The following TMX3 variants were observed in gnomAD, a reference collection of about 807,000 sequenced individuals.
The protein encoded by TMX3 is protein disulfide-isomerase TMX3.
In TMX3, 40 loss-of-function variants were observed where a neutral mutation model predicts 64.4. That is an observed-to-expected ratio of 0.62 (90% CI 0.48 to 0.81). The LOEUF is 0.81. TMX3 is among the 30% of genes least tolerant of loss of function. TMX3 has a pLI of 0.00. For missense variants in TMX3, 497 were observed against 534.5 expected (o/e 0.93, Z 0.69); for synonymous variants, 189 against 175.7 (o/e 1.08, Z -0.60).
At chr18:68,710,444 AT>A (rs1213397376) in intron 3 of TMX3, among the ~76,000 whole-genome samples, 1 of 152,232 alleles carries the variant, frequency 6.6e-6, no homozygotes, top group African/African-American at 2.4e-5. Context: ...AATGTTCTAT[AT>A]GAAACGTTTT....
In TMX3 at chr18:68,710,060, G is replaced by A. The variant is rs768990723; in HGVS notation, c.226C>T (p.Pro76Ser). 6.3e-7 allele frequency: 1 copy of A among 1,598,524 alleles called. No homozygotes were observed. Among genetic ancestry groups the A allele is most frequent in the Admixed American group, 1.7e-5 (1 of 57,398 alleles). ...GCATCCATCTTTCCAACCTTAACTG[G>A]AGAACCAATGCTTTTCATCTCAAGA... ...VGLEMKSIGSPVKVGKMDATS... is the reference protein window; with the variant it reads ...VGLEMKSIGSSVKVGKMDATS... Residue 76 changes from proline to serine, a missense_variant, in exon 4 of 16, where the codon CCA (proline) becomes TCA (serine). Pro to Ser is a moderately conservative substitution (Grantham distance 74). Coordinates refer to ENST00000299608, the MANE Select transcript of TMX3 (RefSeq NM_019022.5).
At chr18:68,677,215 TCA>T in intron 15 of TMX3, 22 bp from the exon 16 acceptor site, 1 of 1,601,336 alleles carries the variant, frequency 6.2e-7, no homozygotes. Flanking sequence ...GAATTAAAAC[TCA>T]GTTCCCTTCA....
In TMX3 at chr18:68,681,007, T is replaced by C. The variant is rs1354727343; in HGVS notation, c.1009A>G (p.Asn337Asp). The C allele has an allele frequency of 6.3e-7, 1 of 1,596,760 alleles. No individual in the cohort carries two copies. The highest frequency in any genetic ancestry group is 8.5e-7 in the Non-Finnish European group (1 of 1,172,916). Residue 337 changes from asparagine to aspartate, a missense_variant, in exon 14 of 16, where the codon AAT (asparagine) becomes GAT (aspartate). Around this residue, in one of 3 missense-constraint regions of TMX3, gnomAD observed 43 missense variants for 75.3 expected, o/e 0.57. Transcript: ENST00000299608. ...KNVEDMVQFI[N>D]NILDGTVEAQ... ...TCTACTGTGCCATCCAAAATGTTAT[T>C]AATAAACTGGACCATGTCTTCAACA...
At chr18:68,700,953 T>C (rs542898062) in intron 5 of TMX3, 12 of 985,060 alleles carry the variant, frequency 1.2e-5, no homozygotes. Context: ...AAAACAGCTC[T>C]TCTAGAAACG....
chr18:68,700,869 GCAAAA>G (rs1157093899), intron 5 of TMX3: 2 of 978,482 alleles, frequency 2.0e-6, no homozygotes, highest in Admixed American at 6.3e-5. Context: ...TTTAGAAGAG[GCAAAA>G]CAAATGTTAA....
chr18:68,697,093 C>A, intron 8 of TMX3, 133 bp downstream of exon 8: 1 of 551,428 alleles, frequency 1.8e-6, no homozygotes, highest in Non-Finnish European at 3.2e-6. Flanking sequence ...TTTTTCCAAA[C>A]ATATCACAGT....
intron 13 of TMX3, 47 bp downstream of exon 13, chr18:68,682,878 T>G: frequency 6.5e-7 from 1 of 1,547,774 alleles, no homozygotes; most frequent in Non-Finnish European, 8.8e-7. Context: ...GAAACAAATT[T>G]AAAAATTAAT....
chr18:68,687,841 T>C, intron 9 of TMX3, 76 bp from the exon 10 acceptor site: 4 of 1,146,048 alleles, frequency 3.5e-6, no homozygotes, highest in Non-Finnish European at 5.0e-6. Flanking sequence ...AATCTGATAA[T>C]AGGTATAAAA....
chr18:68,710,654 A>C (rs896900099), intron 3 of TMX3, among the ~76,000 whole-genome samples: 1 of 152,196 alleles, frequency 6.6e-6, no homozygotes, highest in African/African-American at 2.4e-5. Context: ...GATTAAACTG[A>C]AGTCAGTCTT....
intron 4 of TMX3, among the ~76,000 whole-genome samples, chr18:68,705,656 A>G (rs985926017): frequency 6.6e-6 from 1 of 152,218 alleles, no homozygotes; most frequent in African/African-American, 2.4e-5. Context: ...AATGAGAAAT[A>G]TTTTAGCACT....
intron 12 of TMX3, 94 bp from the exon 13 acceptor site, chr18:68,683,075 A>G: frequency 4.1e-6 from 5 of 1,208,870 alleles, no homozygotes; most frequent in Non-Finnish European, 4.8e-6. Flanking sequence ...AAAGTAAATA[A>G]AACAATGAAG....
chr18:68,712,216 C>T (rs755566548), intron 2 of TMX3, among the ~76,000 whole-genome samples: 19 of 152,190 alleles, frequency 1.2e-4, no homozygotes, highest in Non-Finnish European at 2.2e-4. Context: ...GACATGTCAG[C>T]TGCAATCAGG....
intron 15 of TMX3, 33 bp from the exon 16 acceptor site, chr18:68,677,226 C>A: frequency 6.3e-7 from 1 of 1,594,340 alleles, no homozygotes; most frequent in South Asian, 1.1e-5. Context: ...CAGTTCCCTT[C>A]ACATGTAATT....
rs1912744447 is a variant in TMX3 at position 68,674,152 on chromosome 18, T to C, written c.*2781A>G. On this transcript the variant is annotated 3_prime_UTR_variant, in exon 16 of 16. Transcript: ENST00000299608. ...TAGACCCTTCCTTCAATCCCCCAGA[T>C]ACTTGGCATTTAAATGTTATTTCTA... The C allele has an allele frequency of 6.6e-6, 1 of 152,168 alleles. No individual in the cohort carries two copies. The highest frequency in any genetic ancestry group is 2.4e-5 in the African/African-American group (1 of 41,448). The allele number at this position is 152,168 out of a possible 1,614,324, so 9.4% of individuals were successfully genotyped here. A position where few individuals can be genotyped will look rare whatever the true frequency, so the allele number is the denominator to read the frequency against.
At chr18:68,686,732 C>G in intron 10 of TMX3, 2 of 984,594 alleles carry the variant, frequency 2.0e-6, no homozygotes, top group Non-Finnish European at 2.4e-6. Context: ...GAAAGTAAAA[C>G]CACAGTCTTT....
At position 68,687,800 on chromosome 18, in the gene TMX3, T is replaced by A. The variant is rs554182741; in HGVS notation, c.638-35A>T. ...AAGACAAAGTTGACAAATTACAGTATAAATATGAATTTAAGAGTTATAATA... is the reference window on the plus strand; with the variant it reads ...AAGACAAAGTTGACAAATTACAGTAAAAATATGAATTTAAGAGTTATAATA... On this transcript the variant is annotated intron_variant, in intron 9 of 15. Transcript: ENST00000299608. 17 of 1,517,692 alleles carry A rather than the reference T, an allele frequency of 1.1e-5. No individual in the cohort carries two copies. In the South Asian group the frequency reaches 1.8e-4, roughly 16 times the overall value. 94.0% of individuals were successfully genotyped at this position (1,517,692 alleles called of 1,614,324 possible).
chr18:68,693,416 T>C (rs309225), intron 8 of TMX3, among the ~76,000 whole-genome samples: 39,869 of 151,818 alleles, frequency 0.26, 8,987 homozygotes, highest in African/African-American at 0.61. Context: ...CTCCGGGGCC[T>C]GGAAAGCAGC....
chr18:68,687,883 T>C (rs1914116674), intron 9 of TMX3, 118 bp from the exon 10 acceptor site: 7 of 644,828 alleles, frequency 1.1e-5, no homozygotes, highest in South Asian at 7.1e-5. Flanking sequence ...TCCATAAATA[T>C]TGTTTTTAGG....
rs953085295 is a variant in TMX3, at chr18:68,700,724, A to T, written c.312-239T>A. On this transcript the variant is annotated intron_variant, in intron 5 of 15. Coordinates refer to ENST00000299608, the MANE Select transcript of TMX3 (RefSeq NM_019022.5). ...ATGAAAATATCTTACTCTGCATTTG[A>T]TAACTGCATTGTATCTACGCCTTCT... 9 of 979,330 alleles carry T rather than the reference A, an allele frequency of 9.2e-6. No homozygotes were observed. The South Asian group carries it at 2.8e-4, about 31-fold the overall frequency. 60.7% of individuals were successfully genotyped at this position (979,330 alleles called of 1,614,324 possible).
Sources: gnomAD v4.1 joint callset for allele counts (sites outside exome capture counted in the v4.1 genomes callset) on GRCh38, gnomAD v4.1.1 for gene constraint, gnomAD v4.1.1 regional missense constraint, MANE v1.5 for transcripts, NCBI Gene and HGNC (gene_info 2026-07-23, HGNC 2026-07-21) for gene names.